Variants in CDKN2B-AS1 observed in about 807,000 individuals in gnomAD.
The protein encoded by CDKN2B-AS1 is CDKN2B and CDKN2A antisense cis and trans regulatory RNA 1, also known as CDKN2B antisense RNA 1 (non-protein coding).
chr9:22,053,044 A>C (rs902821691), intron 3 of CDKN2B-AS1, among the ~76,000 whole-genome samples: 2 of 152,210 alleles, frequency 1.3e-5, no homozygotes, highest in Non-Finnish European at 2.9e-5. Context: ...TAGGTTGACT[A>C]TTTATACTTA....
chr9:22,085,889 T>C (rs1824854784), intron 4 of CDKN2B-AS1, among the ~76,000 whole-genome samples: 1 of 151,802 alleles, frequency 6.6e-6, no homozygotes, highest in African/African-American at 2.4e-5. Flanking sequence ...GTTTTTCTAT[T>C]TCTTTGCATC....
At chr9:22,073,909 G>A (rs1167294133) in intron 4 of CDKN2B-AS1, among the ~76,000 whole-genome samples, 1 of 151,154 alleles carries the variant, frequency 6.6e-6, no homozygotes, top group Non-Finnish European at 1.5e-5. Flanking sequence ...TGTCTCCCAG[G>A]CTGGAGAGCA....
At chr9:22,018,836 A>G (rs773838322) in intron 1 of CDKN2B-AS1, among the ~76,000 whole-genome samples, 3 of 152,232 alleles carry the variant, frequency 2.0e-5, no homozygotes, top group Admixed American at 6.5e-5. Flanking sequence ...GAGCCCCCCC[A>G]ATAAATATCA....
chr9:22,033,196 T>A (rs552453590), intron 1 of CDKN2B-AS1, among the ~76,000 whole-genome samples: 1 of 152,230 alleles, frequency 6.6e-6, no homozygotes, highest in South Asian at 2.1e-4. Flanking sequence ...AATTGACTTT[T>A]ACGAAACCAG....
At chr9:22,104,313 A>C (rs1173299186) in intron 4 of CDKN2B-AS1, among the ~76,000 whole-genome samples, 1 of 152,216 alleles carries the variant, frequency 6.6e-6, no homozygotes, top group African/African-American at 2.4e-5. Flanking sequence ...AGTGCAAAGG[A>C]AACCTGTAGC....
At chr9:22,023,697 C>T (rs564372312) in intron 1 of CDKN2B-AS1, among the ~76,000 whole-genome samples, 1 of 152,242 alleles carries the variant, frequency 6.6e-6, no homozygotes, top group Admixed American at 6.5e-5. Flanking sequence ...GAGCTGAGAT[C>T]GTGCCACTGC....
intron 4 of CDKN2B-AS1, among the ~76,000 whole-genome samples, chr9:22,099,300 T>G (rs1003671464): frequency 2.0e-5 from 3 of 152,104 alleles, no homozygotes; most frequent in Non-Finnish European, 4.4e-5. Flanking sequence ...CCACATTCAG[T>G]TATGTGGACT....
At chr9:22,079,351 G>C (rs992740411) in intron 4 of CDKN2B-AS1, among the ~76,000 whole-genome samples, 1 of 152,066 alleles carries the variant, frequency 6.6e-6, no homozygotes, top group East Asian at 1.9e-4. Context: ...AGTTGGGCGT[G>C]GTGGCACGTG....
chr9:22,114,657 A>G (rs1056449705), intron 4 of CDKN2B-AS1, among the ~76,000 whole-genome samples: 1 of 152,264 alleles, frequency 6.6e-6, no homozygotes. Context: ...TGCTGTGCTT[A>G]GTAATTGGCT....
At chr9:22,066,959 G>A (rs942379111) in intron 4 of CDKN2B-AS1, among the ~76,000 whole-genome samples, 4 of 151,992 alleles carry the variant, frequency 2.6e-5, no homozygotes, top group Admixed American at 6.6e-5. Flanking sequence ...GCAAACTATC[G>A]CAAGGACAGA....
intron 4 of CDKN2B-AS1, among the ~76,000 whole-genome samples, chr9:22,080,510 A>ATT (rs1563968880): frequency 1.3e-5 from 2 of 152,222 alleles, no homozygotes; most frequent in Non-Finnish European, 2.9e-5. Flanking sequence ...AGAGTCTTTA[A>ATT]GGAGAGCTTT....
At chr9:22,053,895 C>T (rs563593795) in intron 3 of CDKN2B-AS1, among the ~76,000 whole-genome samples, 13 of 151,446 alleles carry the variant, frequency 8.6e-5, no homozygotes, top group East Asian at 1.9e-4. Flanking sequence ...TTAGGACATA[C>T]GTAACAGAAA....
intron 1 of CDKN2B-AS1, among the ~76,000 whole-genome samples, chr9:22,014,662 G>A (rs901963567): frequency 6.6e-6 from 1 of 151,754 alleles, no homozygotes; most frequent in Non-Finnish European, 1.5e-5. Context: ...ACAATGTGCA[G>A]GTTAGTTACA....
chr9:22,097,336 G>T (rs1052027655), intron 4 of CDKN2B-AS1: 1 of 152,148 alleles, frequency 6.6e-6, no homozygotes, highest in African/African-American at 2.4e-5. Context: ...ATTCATATGA[G>T]AGTTTAAGAA....
In CDKN2B-AS1 at chr9:22,000,930, C is replaced by T. The variant is rs1277145922; in HGVS notation, n.29+5769C>T. ...CACTCATTCTTGGTCCTGACTCCTA[C>T]TCTGTTATCCATAGCTCAGTACCTA... On this transcript the variant is annotated intron_variant and non_coding_transcript_variant, in intron 1 of 4. Coordinates refer to ENST00000650946, the Ensembl canonical transcript of CDKN2B-AS1. This position sits in a 1 kb window ranked among gnomAD's most constrained non-coding sequence, Gnocchi z 4.1. Among the ~76,000 whole-genome samples the T allele has an allele frequency of 6.6e-6, 1 of 152,112 alleles. No individual in the cohort carries two copies. The highest frequency in any genetic ancestry group is 1.5e-5 in the Non-Finnish European group (1 of 67,994).
intron 4 of CDKN2B-AS1, among the ~76,000 whole-genome samples, chr9:22,081,041 G>T (rs1351772784): frequency 6.6e-6 from 1 of 152,120 alleles, no homozygotes; most frequent in Non-Finnish European, 1.5e-5. Context: ...TCATACTGCA[G>T]TACATTTTTT....
chr9:22,060,809 A>C (rs1823785869), intron 4 of CDKN2B-AS1, among the ~76,000 whole-genome samples: 1 of 152,190 alleles, frequency 6.6e-6, no homozygotes, highest in African/African-American at 2.4e-5. Flanking sequence ...CAGTGGCAAG[A>C]GTAAAATGAG....
chr9:22,095,898 AG>A (rs1457014640), intron 4 of CDKN2B-AS1, among the ~76,000 whole-genome samples: 1 of 151,534 alleles, frequency 6.6e-6, no homozygotes, highest in Non-Finnish European at 1.5e-5. Context: ...ATCAGAGACT[AG>A]GATTGCAACC....
chr9:22,111,617 G>T (rs1313671495), intron 4 of CDKN2B-AS1, among the ~76,000 whole-genome samples: 1 of 152,106 alleles, frequency 6.6e-6, no homozygotes, highest in Non-Finnish European at 1.5e-5. Flanking sequence ...AATATGAGTA[G>T]AAATAGAAAG....
Sources: gnomAD v4.1 joint callset for allele counts (sites outside exome capture counted in the v4.1 genomes callset) on GRCh38, gnomAD v4.1.1 for gene constraint, Gnocchi (gnomAD v3.1) non-coding constraint, MANE v1.5 for transcripts, NCBI Gene and HGNC (gene_info 2026-07-23, HGNC 2026-07-21) for gene names.